Variants in ZNF221 observed in about 807,000 individuals in gnomAD.
ZNF221 encodes zinc finger protein 221.
Under a neutral mutation model 12.6 loss-of-function variants are expected in ZNF221, and 10 were observed. That is an observed-to-expected ratio of 0.79 (90% confidence interval 0.49 to 1.34). The LOEUF is 1.34. ZNF221 is among the 40% of genes most tolerant of loss of function. The pLI, the probability that ZNF221 is intolerant of heterozygous loss-of-function variation, is 0.00. For synonymous variants in ZNF221, 232 were observed against 244.0 expected, an observed-to-expected ratio of 0.95 and a Z score of 0.46; for missense variants, 661 against 721.4, an observed-to-expected ratio of 0.92 and a Z score of 0.96.
chr19:43,966,102 T>C lies in ZNF221; in HGVS notation c.600T>C (p.Cys200=). The part of the protein sequence containing the change: ...QSHSGEKSHT[C]GECGKSFCYS... ...ACTCAGGAGAGAAATCTCATACATGTGGTGAGTGTGGAAAAAGCTTCTGTT... is the reference window on the plus strand; with the variant it reads ...ACTCAGGAGAGAAATCTCATACATGCGGTGAGTGTGGAAAAAGCTTCTGTT... Residue 200 remains cysteine (C), a synonymous_variant, in exon 5 of 5, where the codon TGT becomes TGC. Transcript: ENST00000587682. 1 of 1,614,192 alleles carries C rather than the reference T, an allele frequency of 6.2e-7. No individual in the cohort carries two copies. Among genetic ancestry groups the C allele is most frequent in the Non-Finnish European group, 8.5e-7 (1 of 1,180,038 alleles).
chr19:43,965,748 G>C, intron 4 of ZNF221, 56 bp from the exon 5 acceptor site: 1 of 1,457,186 alleles, frequency 6.9e-7, no homozygotes, highest in Non-Finnish European at 9.3e-7. Flanking sequence ...GTGAAATCTT[G>C]AAAACATTGA....
At chr19:43,964,420 T>C (rs369958) in intron 2 of ZNF221, among the ~76,000 whole-genome samples, 130,254 of 152,250 alleles carry the variant, frequency 0.86, 58,146 homozygotes, top group East Asian at 0.98. Context: ...GCAACTAATG[T>C]ATGTAGTTTG....
intron 2 of ZNF221, 107 bp downstream of exon 2, chr19:43,962,914 G>T: frequency 1.0e-5 from 11 of 1,079,220 alleles, no homozygotes; most frequent in South Asian, 7.3e-5. Context: ...AGCATTTGAG[G>T]GCATTTTGTT....
chr19:43,968,431 G>A (rs1323179326), downstream of ZNF221, among the ~76,000 whole-genome samples: 2 of 152,194 alleles, frequency 1.3e-5, no homozygotes, highest in African/African-American at 2.4e-5. Context: ...CCTTAACACT[G>A]ATTGGCACTT....
chr19:43,975,201 A>G, the ZNF221 span, among the ~76,000 whole-genome samples: 2 of 152,286 alleles, frequency 1.3e-5, no homozygotes, highest in East Asian at 3.9e-4. Context: ...ACTGTAATAT[A>G]TACCCCCAAA....
the ZNF221 span, among the ~76,000 whole-genome samples, chr19:43,981,359 A>C: frequency 6.6e-6 from 1 of 152,228 alleles, no homozygotes; most frequent in Non-Finnish European, 1.5e-5. Flanking sequence ...GTACCAAAAA[A>C]TTAAGGCAAC....
At chr19:43,977,628 T>G in the ZNF221 span, among the ~76,000 whole-genome samples, 1 of 152,188 alleles carries the variant, frequency 6.6e-6, no homozygotes. Context: ...GAACTTAACA[T>G]GACAGCAGCA....
chr19:43,977,808 A>T, the ZNF221 span, among the ~76,000 whole-genome samples: 1 of 152,202 alleles, frequency 6.6e-6, no homozygotes, highest in Non-Finnish European at 1.5e-5. Flanking sequence ...TATTTTCATG[A>T]TGCTATATTC....
In ZNF221 at chr19:43,962,759, A is replaced by G; in HGVS notation, c.33A>G (p.Ser11=). The G allele has an allele frequency of 1.2e-6, 2 of 1,613,968 alleles. No homozygotes were observed. Among genetic ancestry groups the G allele is most frequent in the Non-Finnish European group, 1.7e-6 (2 of 1,179,914 alleles). MISPSLELLH[S]GLCKFPEVEG... ...CACCTTCACTTGAACTGCTTCATTC[A>G]GGACTCTGCAAATTCCCTGAAGTAG... The change falls in exon 2 of 5, where the codon TCA becomes TCG. Residue 11 remains serine, a synonymous_variant. Transcript: ENST00000587682.
the ZNF221 span, among the ~76,000 whole-genome samples, chr19:43,974,077 G>C: frequency 6.6e-6 from 1 of 152,120 alleles, no homozygotes; most frequent in African/African-American, 2.4e-5. Context: ...GAACAGAATA[G>C]AGAACTCAGA....
intron 2 of ZNF221, among the ~76,000 whole-genome samples, chr19:43,964,062 A>G (rs1442305092): frequency 6.6e-6 from 1 of 152,214 alleles, no homozygotes; most frequent in Non-Finnish European, 1.5e-5. Context: ...CAGGATTGAT[A>G]ATAAAAAATA....
the ZNF221 span, among the ~76,000 whole-genome samples, chr19:43,973,358 C>T: frequency 2.1e-4 from 32 of 152,144 alleles, no homozygotes; most frequent in African/African-American, 6.7e-4. Flanking sequence ...ACCAGCCCCC[C>T]GCCCTTTCCC....
At chr19:43,976,851 A>T in the ZNF221 span, 1 of 152,244 alleles carries the variant, frequency 6.6e-6, no homozygotes, top group Admixed American at 6.5e-5. Flanking sequence ...GGTATATGGC[A>T]GTATGTATAA....
chr19:43,964,137 A>G (rs974839277), intron 2 of ZNF221, among the ~76,000 whole-genome samples: 2 of 152,196 alleles, frequency 1.3e-5, no homozygotes, highest in Non-Finnish European at 2.9e-5. Context: ...TACTTTGCAG[A>G]TATGAAATGA....
intron 2 of ZNF221, 109 bp from the exon 3 acceptor site, chr19:43,964,841 C>T: frequency 7.0e-7 from 1 of 1,426,418 alleles, no homozygotes; most frequent in Non-Finnish European, 9.7e-7. Flanking sequence ...CTACATCCCT[C>T]AAGATCTAGG....
the ZNF221 span, among the ~76,000 whole-genome samples, chr19:43,979,594 T>G: frequency 1.3e-5 from 2 of 152,278 alleles, no homozygotes; most frequent in South Asian, 4.1e-4. Flanking sequence ...CACCTTTTAG[T>G]AGCATCTTCC....
At chr19:43,955,055 C>G (rs1453146011) in intron 1 of ZNF221, among the ~76,000 whole-genome samples, 3 of 151,556 alleles carry the variant, frequency 2.0e-5, no homozygotes, top group Non-Finnish European at 4.4e-5. Context: ...GGATCGCTCT[C>G]TATTCATTGC....
At chr19:43,962,671 C>A in intron 1 of ZNF221, 54 bp from the exon 2 acceptor site, 2 of 1,518,436 alleles carry the variant, frequency 1.3e-6, no homozygotes, top group Non-Finnish European at 1.8e-6. Flanking sequence ...TGGTGGTCGG[C>A]ATTCCTAGTT....
At chr19:43,956,850 G>A (rs1032858136) in intron 1 of ZNF221, among the ~76,000 whole-genome samples, 2 of 152,114 alleles carry the variant, frequency 1.3e-5, no homozygotes, top group Admixed American at 1.3e-4. Context: ...TCTTAAATAA[G>A]TCAAACAATT....
Sources: gnomAD v4.1 joint callset for allele counts (sites outside exome capture counted in the v4.1 genomes callset) on GRCh38, gnomAD v4.1.1 for gene constraint, MANE v1.5 for transcripts, NCBI Gene and HGNC (gene_info 2026-07-23, HGNC 2026-07-21) for gene names.